Variants in MAGI2 observed in about 807,000 individuals in gnomAD.
The protein encoded by MAGI2 is membrane associated guanylate kinase, WW and PDZ domain containing 2.
In MAGI2, 35 loss-of-function variants were observed where a neutral mutation model predicts 133.3. The ratio of observed to expected loss-of-function variants is 0.26; its 90% CI spans 0.20 to 0.35. The LOEUF is 0.35. Among genes scored for constraint, MAGI2 ranks in the 10% least tolerant of loss-of-function variants. MAGI2 has a pLI of 1.00. For synonymous variants in MAGI2, 729 were observed against 710.6 expected (o/e 1.03, Z -0.41); for missense variants, 1,636 against 1,863.4 (o/e 0.88, Z 2.25).
intron 9 of MAGI2, among the ~76,000 whole-genome samples, chr7:78,327,460 T>C (rs188196975): frequency 6.6e-6 from 1 of 152,344 alleles, no homozygotes; most frequent in East Asian, 1.9e-4. Flanking sequence ...GATTCTCCTG[T>C]AGCCTCCCCT....
At chr7:78,591,081 C>T (rs1285594523) in intron 3 of MAGI2, among the ~76,000 whole-genome samples, 1 of 151,884 alleles carries the variant, frequency 6.6e-6, no homozygotes, top group Non-Finnish European at 1.5e-5. Flanking sequence ...ATCTAAACTC[C>T]AAAGAGATTA....
intron 18 of MAGI2, among the ~76,000 whole-genome samples, chr7:78,127,697 T>C (rs1821134617): frequency 6.6e-6 from 1 of 152,200 alleles, no homozygotes. Context: ...TGTTCCTCTT[T>C]GACTTTGGCT....
At chr7:79,023,655 A>G (rs929538241) in intron 1 of MAGI2, among the ~76,000 whole-genome samples, 3 of 152,152 alleles carry the variant, frequency 2.0e-5, no homozygotes, top group African/African-American at 7.2e-5. Context: ...TATACAATCA[A>G]TGTACAAAAA....
chr7:79,007,748 G>A (rs554825350), intron 1 of MAGI2, among the ~76,000 whole-genome samples: 1 of 152,124 alleles, frequency 6.6e-6, no homozygotes, highest in East Asian at 1.9e-4. Context: ...ATTTAGTTAA[G>A]TAGGATGGTA....
chr7:78,543,856 G>C (rs998231755), intron 3 of MAGI2, among the ~76,000 whole-genome samples: 2 of 152,218 alleles, frequency 1.3e-5, no homozygotes, highest in African/African-American at 4.8e-5. Flanking sequence ...ATATCTTTAT[G>C]TAGAACACTG....
intron 1 of MAGI2, among the ~76,000 whole-genome samples, chr7:79,257,173 T>A (rs1833750682): frequency 6.6e-6 from 1 of 152,108 alleles, no homozygotes; most frequent in East Asian, 1.9e-4. Flanking sequence ...ATAATAATAA[T>A]AATAATAGTC....
intron 1 of MAGI2, among the ~76,000 whole-genome samples, chr7:79,198,038 G>A (rs191994551): frequency 6.6e-6 from 1 of 151,966 alleles, no homozygotes; most frequent in East Asian, 1.9e-4. Context: ...CTTGAGGCCA[G>A]GAGCTTGAGA....
At chr7:79,012,697 T>C (rs1808284437) in intron 1 of MAGI2, among the ~76,000 whole-genome samples, 1 of 152,152 alleles carries the variant, frequency 6.6e-6, no homozygotes. Flanking sequence ...CATTAAGTGG[T>C]CTTGCACAAA....
intron 1 of MAGI2, among the ~76,000 whole-genome samples, chr7:79,042,311 GGTTTA>G (rs1441543751): frequency 6.6e-6 from 1 of 151,992 alleles, no homozygotes; most frequent in Non-Finnish European, 1.5e-5. Context: ...GATTGTTGTT[GGTTTA>G]AAGTCTGTTT....
intron 6 of MAGI2, among the ~76,000 whole-genome samples, chr7:78,398,271 C>T (rs1314434432): frequency 2.6e-5 from 4 of 152,092 alleles, no homozygotes; most frequent in African/African-American, 7.2e-5. Context: ...TGAAGTGACT[C>T]GATGGTGAAC....
At chr7:78,613,072 C>A (rs1003081351) in intron 3 of MAGI2, among the ~76,000 whole-genome samples, 9 of 152,290 alleles carry the variant, frequency 5.9e-5, no homozygotes, top group East Asian at 1.9e-4. Flanking sequence ...ACACAAACTT[C>A]AGGCAAATAT....
At chr7:79,363,269 A>G (rs1441993261) in intron 1 of MAGI2, among the ~76,000 whole-genome samples, 1 of 150,418 alleles carries the variant, frequency 6.6e-6, no homozygotes, top group Non-Finnish European at 1.5e-5. Context: ...TGCTGATCAA[A>G]TAAATACATG....
chr7:78,217,626 A>C (rs1163287684), intron 10 of MAGI2, among the ~76,000 whole-genome samples: 2 of 152,188 alleles, frequency 1.3e-5, no homozygotes, highest in Non-Finnish European at 2.9e-5. Context: ...CAGGCATGCA[A>C]CAGGGAGATG....
At chr7:78,058,040 G>A (rs1050700749) in intron 21 of MAGI2, among the ~76,000 whole-genome samples, 16 of 72,016 alleles carry the variant, frequency 2.2e-4, no homozygotes, top group African/African-American at 9.4e-4. Flanking sequence ...AAGACATTAA[G>A]TATTCCTGCT....
intron 2 of MAGI2, among the ~76,000 whole-genome samples, chr7:78,859,064 G>A (rs904855295): frequency 2.0e-5 from 3 of 151,364 alleles, no homozygotes; most frequent in Admixed American, 6.6e-5. Context: ...TGCAACCCCT[G>A]CTTTTTTTTT....
chr7:78,961,817 G>C (rs1802867749), intron 2 of MAGI2, among the ~76,000 whole-genome samples: 1 of 151,940 alleles, frequency 6.6e-6, no homozygotes, highest in South Asian at 2.1e-4. Context: ...AGTTGATACT[G>C]TCATTGTGCG....
chr7:78,365,478 A>G (rs1036029359), intron 7 of MAGI2, among the ~76,000 whole-genome samples: 1 of 152,138 alleles, frequency 6.6e-6, no homozygotes, highest in Non-Finnish European at 1.5e-5. Context: ...CCTCATCTCA[A>G]TAATGTGTGG....
intron 2 of MAGI2, among the ~76,000 whole-genome samples, chr7:78,972,938 T>TACACACACACACACAC (rs3069435): frequency 4.2e-4 from 62 of 148,356 alleles, no homozygotes; most frequent in African/African-American, 1.5e-3. Flanking sequence ...TTGTTGCTTT[T>TACACACACACACACAC]ACACACACAC....
At chr7:78,244,167 T>TAAAAAAAAAAAAAA (rs535442682) in intron 10 of MAGI2, among the ~76,000 whole-genome samples, 3 of 68,832 alleles carry the variant, frequency 4.4e-5, no homozygotes, top group African/African-American at 1.0e-4. Flanking sequence ...CTATTTAAAT[T>TAAAAAAAAAAAAAA]AAAAAAAAAA....
Sources: gnomAD v4.1 joint callset for allele counts (sites outside exome capture counted in the v4.1 genomes callset) on GRCh38, gnomAD v4.1.1 for gene constraint, MANE v1.5 for transcripts, NCBI Gene and HGNC (gene_info 2026-07-23, HGNC 2026-07-21) for gene names.